The following RPL23A variants were observed in gnomAD, a reference collection of about 807,000 sequenced individuals.
RPL23A encodes large ribosomal subunit protein uL23.
In RPL23A, 2 loss-of-function variants were observed where a neutral mutation model predicts 17.6. That is an observed-to-expected ratio of 0.11 (90% CI 0.05 to 0.36). The LOEUF is 0.36. Among genes scored for constraint, RPL23A ranks in the 10% least tolerant of loss-of-function variants. The pLI is 1.00. For synonymous variants in RPL23A, 65 were observed against 74.3 expected (o/e 0.87, Z 0.65); for missense variants, 132 against 194.4 (o/e 0.68, Z 1.91).
chr17:28,722,908 G>C lies in RPL23A; in HGVS notation c.386+9G>C. On this transcript the variant is annotated intron_variant, in intron 3 of 4. Coordinates refer to ENST00000422514, the MANE Select transcript of RPL23A (RefSeq NM_000984.6). ...GTCAACACCCTGATTCGGTGAGTTG[G>C]GCCTCAAGGGATGGGGAGCAGGCTG... The C allele has an allele frequency of 6.2e-7, 1 of 1,612,622 alleles. No individual in the cohort carries two copies. The highest frequency in any genetic ancestry group is 8.5e-7 in the Non-Finnish European group (1 of 1,178,894).
intron 2 of RPL23A, 44 bp downstream of exon 2, chr17:28,720,934 C>T (rs769402242): frequency 7.1e-6 from 11 of 1,541,498 alleles, no homozygotes; most frequent in South Asian, 6.8e-5. Flanking sequence ...TGGGTATTCT[C>T]CATTGGTAAT....
intron 1 of RPL23A, 46 bp from the exon 2 acceptor site, chr17:28,720,661 C>G (rs2034098463): frequency 1.2e-6 from 2 of 1,606,230 alleles, no homozygotes; most frequent in Non-Finnish European, 1.7e-6. Flanking sequence ...CCGGAAGTGA[C>G]CGATTTCTAA....
chr17:28,720,466 T>C (rs746524965), intron 1 of RPL23A: 2 of 1,608,226 alleles, frequency 1.2e-6, no homozygotes, highest in Non-Finnish European at 1.7e-6. Flanking sequence ...TTCTGGAAAG[T>C]ATCAAGCGTT....
rs1432842939 is a variant in RPL23A at position 28,720,726 on chromosome 17, T to G, written c.45T>G (p.Ala15=). ...TCCCAGCTCCTGCCCCTCCTAAAGC[T>G]GAAGCCAAAGCGAAGGCTTTAAAGG... ...AKKEAPAPPK[A]EAKAKALKAK... is the part of the protein sequence containing the mutation. The change falls in exon 2 of 5, where the codon GCT becomes GCG. Residue 15 remains alanine, a synonymous_variant. Coordinates refer to ENST00000422514, the MANE Select transcript of RPL23A (RefSeq NM_000984.6). The G allele has an allele frequency of 6.2e-7, 1 of 1,613,946 alleles. No individual in the cohort carries two copies. Among genetic ancestry groups the G allele is most frequent in the Admixed American group, 1.7e-5 (1 of 59,988 alleles).
Position 28,720,793 on chromosome 17 carries a change from A to C in RPL23A, c.112A>C (p.Lys38Gln), listed in dbSNP as rs753360202. The change falls in exon 2 of 5, where the codon AAG becomes CAG. Residue 38 changes from lysine (K) to glutamine (Q), a missense_variant. By Grantham distance (53) the Lys-to-Gln change is moderately conservative. Transcript: ENST00000422514. ...VLKGVHSHKK[K>Q]KIRTSPTFRR... ...GAAAGGTGTCCACAGCCACAAAAAG[A>C]AGAAGATCCGCACGTCACCCACCTT... 1 of 1,613,386 alleles carries C rather than the reference A, an allele frequency of 6.2e-7. No individual in the cohort carries two copies. Among genetic ancestry groups the C allele is most frequent in the Non-Finnish European group, 8.5e-7 (1 of 1,179,320 alleles).
At chr17:28,721,267 T>G in intron 2 of RPL23A, 1 of 207,944 alleles carries the variant, frequency 4.8e-6, no homozygotes, top group Non-Finnish European at 1.0e-5. Context: ...GGCAGGAGAA[T>G]CGCTTGAACC....
intron 1 of RPL23A, chr17:28,720,268 A>G (rs1291026353): frequency 6.5e-7 from 1 of 1,543,650 alleles, no homozygotes; most frequent in East Asian, 2.5e-5. Flanking sequence ...AGGGAGGGCC[A>G]GACATTCGGT....
At chr17:28,720,205 T>G in intron 1 of RPL23A, 175 bp downstream of exon 1, 4 of 1,533,700 alleles carry the variant, frequency 2.6e-6, no homozygotes, top group Non-Finnish European at 3.5e-6. Context: ...CCTCGTGGGC[T>G]GAGTTCCGGT....
chr17:28,720,633 C>A, intron 1 of RPL23A, 74 bp from the exon 2 acceptor site: 1 of 1,512,544 alleles, frequency 6.6e-7, no homozygotes, highest in Non-Finnish European at 9.2e-7. Context: ...CCAGGGTGGC[C>A]CACTGCAGTT....
chr17:28,724,021 C>G lies in RPL23A; in HGVS notation c.*140C>G. 1 of 593,378 alleles carries G rather than the reference C, an allele frequency of 1.7e-6. No individual in the cohort carries two copies. The highest frequency in any genetic ancestry group is 2.9e-6 in the Non-Finnish European group (1 of 345,828). The allele number at this position is 593,378 out of a possible 1,614,324, so 36.8% of individuals were successfully genotyped here. On this transcript the variant is annotated 3_prime_UTR_variant, in exon 5 of 5. Coordinates refer to ENST00000422514, the MANE Select transcript of RPL23A (RefSeq NM_000984.6). Reference sequence around the variant, plus strand: ...ACAGGGCTTGGGCAAGACTCCTGTTCTACTTATCCTTTTGAAATACCTCAC... The same window carrying G: ...ACAGGGCTTGGGCAAGACTCCTGTTGTACTTATCCTTTTGAAATACCTCAC...
chr17:28,720,614 C>T (rs750013593), intron 1 of RPL23A, 93 bp from the exon 2 acceptor site: 4 of 1,414,002 alleles, frequency 2.8e-6, no homozygotes, highest in African/African-American at 1.4e-5. Context: ...ACCACTGATG[C>T]ACCTGTGGCC....
intron 4 of RPL23A, 68 bp downstream of exon 4, chr17:28,723,708 C>T (rs559318715): frequency 2.8e-5 from 41 of 1,486,234 alleles, no homozygotes; most frequent in East Asian, 1.1e-4. Context: ...ATGTTAGCGA[C>T]CAAAGCCTGA....
intron 4 of RPL23A, 100 bp from the exon 5 acceptor site, chr17:28,723,767 A>G: frequency 7.2e-7 from 1 of 1,392,480 alleles, no homozygotes; most frequent in Non-Finnish European, 1.0e-6. Context: ...ATCCTTGACA[A>G]ACCTTATCCT....
At position 28,724,332 on chromosome 17, in the gene RPL23A, A is replaced by T; in HGVS notation, c.*451A>T. On this transcript the variant is annotated 3_prime_UTR_variant, in exon 5 of 5. Coordinates refer to ENST00000422514, the MANE Select transcript of RPL23A (RefSeq NM_000984.6). ...TGTCTGCTTCCCTCACCCCTTGCCC[A>T]ATAAAGGACAAGGACTTCAGAGGAG... is the stretch of plus-strand genomic sequence containing the variant. 3.6e-6 allele frequency: 3 copies of T among 839,478 alleles called. No individual in the cohort carries two copies. Among genetic ancestry groups the T allele is most frequent in the South Asian group, 3.4e-5 (2 of 59,388 alleles). The allele number at this position is 839,478 out of a possible 1,614,324, so 52.0% of individuals were successfully genotyped here. A position where few individuals can be genotyped will look rare whatever the true frequency, so the allele number is the denominator to read the frequency against.
At position 28,719,999 on chromosome 17, in the gene RPL23A, T is replaced by A. The variant is rs1278140878; in HGVS notation, c.-7T>A. On this transcript the variant is annotated 5_prime_UTR_variant, in exon 1 of 5. Transcript: ENST00000422514. ...TGGGAACGAGCATTGGAGACCCTTT[T>A]CACAAGATGGCGCCGAAAGCGAAGA... The A allele has an allele frequency of 6.4e-7, 1 of 1,551,912 alleles. No individual in the cohort carries two copies. The highest frequency in any genetic ancestry group is 1.4e-5 in the African/African-American group (1 of 73,158).
At chr17:28,723,816 C>G in intron 4 of RPL23A, 51 bp from the exon 5 acceptor site, 3 of 1,560,088 alleles carry the variant, frequency 1.9e-6, no homozygotes, top group Non-Finnish European at 2.7e-6. Context: ...AACATTCCAG[C>G]TTAATCTTCA....
Position 28,723,946 on chromosome 17 carries a change from G to A in RPL23A, c.*65G>A, listed in dbSNP as rs1028542688. On this transcript the variant is annotated 3_prime_UTR_variant, in exon 5 of 5. Transcript: ENST00000422514. ...ATATCTTTTCACCATATACATGCCT[G>A]TCTGTCAATTTCTGGTTGGGCTGGG... is the stretch of plus-strand genomic sequence containing the variant. 25 of 1,208,634 alleles carry A rather than the reference G, an allele frequency of 2.1e-5. No individual in the cohort carries two copies. The highest frequency in any genetic ancestry group is 2.7e-5 in the Non-Finnish European group (23 of 863,670). The allele number at this position is 1,208,634 out of a possible 1,614,324, so 74.9% of individuals were successfully genotyped here. A position where few individuals can be genotyped will look rare whatever the true frequency, so the allele number is the denominator to read the frequency against.
At chr17:28,721,515 G>T (rs1291240015) in intron 2 of RPL23A, 1 of 152,892 alleles carries the variant, frequency 6.5e-6, no homozygotes, top group Non-Finnish European at 1.5e-5. Context: ...TTGAGGGTGA[G>T]AACGTGGATT....
chr17:28,722,548 C>G (rs761533767), intron 2 of RPL23A, 175 bp from the exon 3 acceptor site: 1 of 768,404 alleles, frequency 1.3e-6, no homozygotes, highest in Non-Finnish European at 2.4e-6. Context: ...ACGTTCTGCC[C>G]CTGGGATTGG....
Sources: gnomAD v4.1 joint callset for allele counts on GRCh38, gnomAD v4.1.1 for gene constraint, MANE v1.5 for transcripts, NCBI Gene and HGNC (gene_info 2026-07-23, HGNC 2026-07-21) for gene names.